Variants in KLHDC2 observed in about 807,000 individuals in gnomAD.
KLHDC2 encodes kelch domain containing 2, also known as kelch domain-containing protein 2.
Under a neutral mutation model 62.3 loss-of-function variants are expected in KLHDC2, and 38 were observed. The observed-to-expected ratio is 0.61, with a 90% CI of 0.47 to 0.80. KLHDC2 has a LOEUF of 0.80. Among genes scored for constraint, KLHDC2 ranks in the 30% least tolerant of loss-of-function variants. The pLI, the probability that KLHDC2 is intolerant of heterozygous loss-of-function variation, is 0.00. For missense variants in KLHDC2, 430 were observed against 495.3 expected (o/e 0.87, Z 1.25); for synonymous variants, 159 against 161.0 (o/e 0.99, Z 0.09).
chr14:49,778,043 C>G (rs901228523), intron 4 of KLHDC2, 89 bp downstream of exon 4: 4 of 940,252 alleles, frequency 4.3e-6, no homozygotes, highest in Non-Finnish European at 6.7e-6. Flanking sequence ...TTGCACAGAA[C>G]ATACCTCATA....
chr14:49,773,827 C>T (rs1239841942), intron 2 of KLHDC2, among the ~76,000 whole-genome samples: 3 of 152,098 alleles, frequency 2.0e-5, no homozygotes, highest in African/African-American at 2.4e-5. Flanking sequence ...CCACCTGCCT[C>T]AGCCTCCCAA....
At position 49,783,186 on chromosome 14, in the gene KLHDC2, G is replaced by A. The variant is rs1889993796; in HGVS notation, c.*233G>A. 1 of 334,596 alleles carries A rather than the reference G, an allele frequency of 3.0e-6. No homozygotes were observed. Among genetic ancestry groups the A allele is most frequent in the Middle Eastern group, 8.2e-4 (1 of 1,222 alleles). The allele number at this position is 334,596 out of a possible 1,614,324, so 20.7% of individuals were successfully genotyped here. ...AAGTAATGGTTGGGCTTTTTACCCTGAAGAATGGTTGCTACATTTTCTTTT... is the reference window on the plus strand; with the variant it reads ...AAGTAATGGTTGGGCTTTTTACCCTAAAGAATGGTTGCTACATTTTCTTTT... On this transcript the variant is annotated 3_prime_UTR_variant, in exon 13 of 13. Transcript: ENST00000298307.
Position 49,782,899 on chromosome 14 carries a change from CTTACTTCACAGTG to C in KLHDC2, c.1171_1183del (p.Leu391IlefsTer16), listed in dbSNP as rs1889975807. On this transcript the variant is annotated frameshift_variant, in exon 13 of 13. Transcript: ENST00000298307. LOFTEE classifies it high-confidence loss of function. ...ACTCATGGAACTGCCTTCCAAAACA[CTTACTTCACAGTG>C]TTAATCAGAGGTTTGGTAGTAACAA... 1 of 1,613,676 alleles carries C rather than the reference CTTACTTCACAGTG, an allele frequency of 6.2e-7. No homozygotes were observed. Among genetic ancestry groups the C allele is most frequent in the Non-Finnish European group, 8.5e-7 (1 of 1,179,762 alleles).
chr14:49,772,053 T>C (rs1170645904), intron 2 of KLHDC2, among the ~76,000 whole-genome samples: 1 of 152,224 alleles, frequency 6.6e-6, no homozygotes, highest in Non-Finnish European at 1.5e-5. Flanking sequence ...AAGCTACTTA[T>C]ATATTCTAAA....
In KLHDC2 at chr14:49,782,899, C is replaced by G; in HGVS notation, c.1167C>G (p.His389Gln). The change falls in exon 13 of 13, where the codon CAC (histidine) becomes CAG (glutamine). Residue 389 changes from histidine to glutamine, a missense_variant. Coordinates refer to ENST00000298307, the MANE Select transcript of KLHDC2 (RefSeq NM_014315.3). ...ACTCATGGAACTGCCTTCCAAAACA[C>G]TTACTTCACAGTGTTAATCAGAGGT... is the stretch of plus-strand genomic sequence containing the variant. ...LANSWNCLPK[H>Q]LLHSVNQRFG... is the part of the protein sequence containing the mutation. 1 of 1,613,794 alleles carries G rather than the reference C, an allele frequency of 6.2e-7. No homozygotes were observed. Among genetic ancestry groups the G allele is most frequent in the Non-Finnish European group, 8.5e-7 (1 of 1,179,754 alleles).
rs1301221332 is a variant in KLHDC2 at position 49,779,588 on chromosome 14, C to G, written c.634-7C>G. 1 of 1,612,648 alleles carries G rather than the reference C, an allele frequency of 6.2e-7. No homozygotes were observed. Among genetic ancestry groups the G allele is most frequent in the South Asian group, 1.1e-5 (1 of 90,984 alleles). ...AGTTCACTAACTTGCTTATGTGCCT[C>G]TAATAGGGTAAAGCACCTTCACCTC... On this transcript the variant is annotated splice_polypyrimidine_tract_variant and splice_region_variant and intron_variant, in intron 6 of 12. Coordinates refer to ENST00000298307, the MANE Select transcript of KLHDC2 (RefSeq NM_014315.3).
At position 49,784,721 on chromosome 14, in the gene KLHDC2, A is replaced by C; in HGVS notation, c.*1768A>C. The C allele has an allele frequency of 6.2e-7, 1 of 1,609,484 alleles. No individual in the cohort carries two copies. The highest frequency in any genetic ancestry group is 8.5e-7 in the Non-Finnish European group (1 of 1,176,534). On this transcript the variant is annotated 3_prime_UTR_variant, in exon 13 of 13. Transcript: ENST00000298307. ...TCTTGATAAATCTGTGTCCTAAAAA[A>C]AGAAAATTGCTGAATATCTTCACAT...
At chr14:49,778,133 C>G in intron 4 of KLHDC2, 45 bp from the exon 5 acceptor site, 2 of 1,287,634 alleles carry the variant, frequency 1.6e-6, no homozygotes, top group South Asian at 1.2e-5. Flanking sequence ...GTATCCTATC[C>G]TATGGGTATT....
chr14:49,782,161 C>T lies in KLHDC2; in HGVS notation c.957-209C>T, dbSNP rs568125336. On this transcript the variant is annotated intron_variant, in intron 10 of 12. Coordinates refer to ENST00000298307, the MANE Select transcript of KLHDC2 (RefSeq NM_014315.3). Reference sequence around the variant, plus strand: ...AAACTCCTCATTGCATAAATGAGAACGACCAGAGAGAGAAAATAATATCCA... The same window carrying T: ...AAACTCCTCATTGCATAAATGAGAATGACCAGAGAGAGAAAATAATATCCA... 5.9e-4 allele frequency: 306 copies of T among 518,638 alleles called. 1 individual carries two copies. The highest frequency in any genetic ancestry group is 9.9e-4 in the Middle Eastern group (2 of 2,012). The allele number at this position is 518,638 out of a possible 1,614,324, so 32.1% of individuals were successfully genotyped here. A position where few individuals can be genotyped will look rare whatever the true frequency, so the allele number is the denominator to read the frequency against.
Position 49,780,308 on chromosome 14 carries a change from A to C in KLHDC2, c.869A>C (p.Asp290Ala). ...TTTCTCTTTGGAGGATTTACCACTG[A>C]TAAACAGCCACTAAGTAAGTCCTTG... is the stretch of plus-strand genomic sequence containing the variant. ...HLFLFGGFTT[D>A]KQPLSDAWTY... Residue 290 changes from aspartate (D) to alanine (A), a missense_variant, in exon 9 of 13, where the codon GAT becomes GCT. Physicochemically the swap from Asp to Ala is moderately radical, Grantham distance 126. Transcript: ENST00000298307. 6.3e-7 allele frequency: 1 copy of C among 1,592,714 alleles called. No individual in the cohort carries two copies. The highest frequency in any genetic ancestry group is 1.1e-5 in the South Asian group (1 of 90,630).
chr14:49,773,881 T>C (rs886754663), intron 2 of KLHDC2, among the ~76,000 whole-genome samples: 1 of 152,110 alleles, frequency 6.6e-6, no homozygotes, highest in East Asian at 1.9e-4. Flanking sequence ...CAGCCAAAAA[T>C]AGTAACTTTT....
intron 3 of KLHDC2, among the ~76,000 whole-genome samples, chr14:49,777,242 CAG>C (rs143364960): frequency 0.97 from 146,793 of 152,002 alleles, 71,080 homozygotes; most frequent in East Asian, 1. Flanking sequence ...TTTGGGGACT[CAG>C]GGGTAAAGGG....
At chr14:49,769,655 G>T (rs1290007870) in intron 1 of KLHDC2, among the ~76,000 whole-genome samples, 1 of 152,168 alleles carries the variant, frequency 6.6e-6, no homozygotes, top group African/African-American at 2.4e-5. Context: ...ATAGAAAGGG[G>T]GCCGGGCGCG....
At chr14:49,774,419 T>A (rs1424477804) in intron 2 of KLHDC2, 142 bp from the exon 3 acceptor site, 1 of 657,808 alleles carries the variant, frequency 1.5e-6, no homozygotes, top group Non-Finnish European at 2.7e-6. Flanking sequence ...AGGTTAGACC[T>A]AGGAGAGATC....
At chr14:49,775,615 CTTTTTTTT>C (rs10584257) in intron 3 of KLHDC2, among the ~76,000 whole-genome samples, 2 of 87,834 alleles carry the variant, frequency 2.3e-5, no homozygotes, top group Non-Finnish European at 4.1e-5. Flanking sequence ...AAGCAAATGT[CTTTTTTTT>C]TTTTTTTTTT....
In KLHDC2 at chr14:49,782,968, T is replaced by C. The variant is rs1889979677; in HGVS notation, c.*15T>C. 6 of 1,609,328 alleles carry C rather than the reference T, an allele frequency of 3.7e-6. No homozygotes were observed. The Admixed American group carries it at 1.0e-4, about 27-fold the overall frequency. ...CTGGATCTTAAGGCTTCATAAATAA[T>C]GCCTATGATCACCTTGCATGGACAG... On this transcript the variant is annotated 3_prime_UTR_variant, in exon 13 of 13. Transcript: ENST00000298307.
intron 2 of KLHDC2, 39 bp downstream of exon 2, chr14:49,771,712 A>AT: frequency 1.9e-6 from 2 of 1,070,074 alleles, no homozygotes; most frequent in Non-Finnish European, 1.5e-6. Flanking sequence ...AAAAATTCAG[A>AT]TAAGGGCTGG....
intron 3 of KLHDC2, chr14:49,774,888 T>C: frequency 1.9e-6 from 1 of 532,408 alleles, no homozygotes; most frequent in Non-Finnish European, 3.3e-6. Context: ...GTTGGTAACC[T>C]GTGTGCAGTA....
chr14:49,781,041 T>C (rs1889887474), intron 10 of KLHDC2, among the ~76,000 whole-genome samples: 1 of 152,238 alleles, frequency 6.6e-6, no homozygotes, highest in Non-Finnish European at 1.5e-5. Context: ...CAATCAAGCT[T>C]TTCACTTCAA....
Sources: gnomAD v4.1 joint callset for allele counts (sites outside exome capture counted in the v4.1 genomes callset) on GRCh38, gnomAD v4.1.1 for gene constraint, MANE v1.5 for transcripts, NCBI Gene and HGNC (gene_info 2026-07-23, HGNC 2026-07-21) for gene names.